Variants in DUSP16 observed in about 807,000 individuals in gnomAD.
DUSP16 encodes dual specificity protein phosphatase 16.
DUSP16 carries 21 observed loss-of-function variants against 58.3 expected under a neutral mutation model. The ratio of observed to expected loss-of-function variants is 0.36; its 90% CI spans 0.26 to 0.52. DUSP16 has a LOEUF of 0.52. Among genes scored for constraint, DUSP16 ranks in the 20% least tolerant of loss-of-function variants. The pLI, the probability that DUSP16 is intolerant of heterozygous loss-of-function variation, is 0.94. For synonymous variants in DUSP16, 320 were observed against 323.8 expected (o/e 0.99, Z 0.12); for missense variants, 726 against 819.0 (o/e 0.89, Z 1.39).
At chr12:12,520,337 C>T (rs947172986) in intron 2 of DUSP16, among the ~76,000 whole-genome samples, 2 of 152,086 alleles carry the variant, frequency 1.3e-5, no homozygotes, top group Non-Finnish European at 2.9e-5. Flanking sequence ...ACTTTTACAC[C>T]TTAACAAAGA....
At chr12:12,549,825 G>A (rs1358828210) in intron 1 of DUSP16, among the ~76,000 whole-genome samples, 2 of 150,868 alleles carry the variant, frequency 1.3e-5, no homozygotes, top group Admixed American at 6.6e-5. Flanking sequence ...ATGTTATAAA[G>A]TGCTCTCACT....
intron 1 of DUSP16, among the ~76,000 whole-genome samples, chr12:12,543,712 G>A (rs1944598635): frequency 6.6e-6 from 1 of 151,918 alleles, no homozygotes; most frequent in Non-Finnish European, 1.5e-5. Flanking sequence ...ATGACTTCCA[G>A]AAATATATTC....
intron 4 of DUSP16, among the ~76,000 whole-genome samples, chr12:12,500,093 A>T (rs1040701095): frequency 2.6e-5 from 4 of 152,094 alleles, no homozygotes. Flanking sequence ...GCCAGCAGTC[A>T]TCATGAGGAC....
intron 5 of DUSP16, among the ~76,000 whole-genome samples, chr12:12,486,481 AGTGTGTGTGTGTGTGTGT>A (rs56941943): frequency 3.2e-4 from 47 of 147,374 alleles, no homozygotes; most frequent in African/African-American, 1.0e-3. Flanking sequence ...ACCAAATGAG[AGTGTGTGTGTGTGTGTGT>A]GTGTGTGTGT....
intron 1 of DUSP16, among the ~76,000 whole-genome samples, chr12:12,553,430 T>G (rs1008587662): frequency 1.3e-5 from 2 of 152,232 alleles, no homozygotes; most frequent in Admixed American, 1.3e-4. Flanking sequence ...AATGGGTAAC[T>G]CATGTCTTCC....
intron 4 of DUSP16, among the ~76,000 whole-genome samples, chr12:12,496,958 C>T (rs1337376631): frequency 6.6e-6 from 1 of 152,156 alleles, no homozygotes; most frequent in Non-Finnish European, 1.5e-5. Context: ...AAAATTAATA[C>T]ATGCTGAGAC....
intron 1 of DUSP16, among the ~76,000 whole-genome samples, chr12:12,525,598 C>G (rs1458374098): frequency 6.6e-6 from 1 of 151,886 alleles, no homozygotes; most frequent in Non-Finnish European, 1.5e-5. Context: ...TCCAGCTGGG[C>G]ATAGTAGCTC....
At position 12,500,536 on chromosome 12, in the gene DUSP16, G is replaced by T; in HGVS notation, c.514C>A (p.Arg172=). 1 of 1,609,308 alleles carries T rather than the reference G, an allele frequency of 6.2e-7. No homozygotes were observed. The highest frequency in any genetic ancestry group is 8.5e-7 in the Non-Finnish European group (1 of 1,178,256). ...ILPNLYLGCQ[R]DVLNKELMQQ... ...GCACCCACCTTGTTGAGGACATCTC[G>T]CTGGCAGCCAAGATAAAGATTGGGA... The change falls in exon 4 of 7, where the codon CGA becomes AGA. Residue 172 remains arginine (R), a synonymous_variant. Transcript: ENST00000298573.
rs2058820 is a variant in DUSP16, at chr12:12,473,884, T to A, written c.*2949A>T. On this transcript the variant is annotated 3_prime_UTR_variant, in exon 7 of 7. Coordinates refer to ENST00000298573, the MANE Select transcript of DUSP16 (RefSeq NM_030640.3). ...ACATGTTATATCGAAATGGGCCATG[T>A]GTGTGTAGCTGGCCTTTTTTTTCCT... 1 allele frequency among the ~76,000 whole-genome samples: 152,374 copies of A among 152,392 alleles called. 76,178 individuals carry two copies. The highest frequency in any genetic ancestry group is 1 in the Non-Finnish European group (68,046 of 68,046).
chr12:12,544,604 AC>A (rs1167508986), intron 1 of DUSP16, among the ~76,000 whole-genome samples: 1 of 151,670 alleles, frequency 6.6e-6, no homozygotes, highest in African/African-American at 2.4e-5. Context: ...GTTGCTCTAC[AC>A]CCATGCTGAT....
intron 1 of DUSP16, among the ~76,000 whole-genome samples, chr12:12,555,224 AG>A (rs1224792741): frequency 6.6e-6 from 1 of 152,236 alleles, no homozygotes; most frequent in Non-Finnish European, 1.5e-5. Flanking sequence ...GGTCAGCCAC[AG>A]GGTCAAAGCT....
chr12:12,519,140 G>C (rs1328677549), intron 3 of DUSP16, among the ~76,000 whole-genome samples: 2 of 152,156 alleles, frequency 1.3e-5, no homozygotes, highest in Admixed American at 1.3e-4. Context: ...TTTGCAAAAC[G>C]AGAAGCAAAG....
intron 1 of DUSP16, among the ~76,000 whole-genome samples, chr12:12,548,630 C>CAAAAAAA (rs898316799): frequency 1.6e-5 from 1 of 63,312 alleles, no homozygotes; most frequent in African/African-American, 6.3e-5. Flanking sequence ...GACTCTGTCT[C>CAAAAAAA]AAAAAAAAAA....
intron 1 of DUSP16, among the ~76,000 whole-genome samples, chr12:12,540,585 TC>T (rs1167427568): frequency 6.6e-6 from 1 of 152,208 alleles, no homozygotes; most frequent in Non-Finnish European, 1.5e-5. Context: ...TCATAAGATA[TC>T]TATAAGGCTC....
chr12:12,517,041 C>G lies in DUSP16; in HGVS notation c.367+2821G>C, dbSNP rs111365151. Among the ~76,000 whole-genome samples the G allele has an allele frequency of 1.4e-3, 213 of 152,328 alleles. 1 individual carries two copies. The highest frequency in any genetic ancestry group is 4.5e-3 in the African/African-American group (187 of 41,582). On this transcript the variant is annotated intron_variant, in intron 3 of 6. Coordinates refer to ENST00000298573, the MANE Select transcript of DUSP16 (RefSeq NM_030640.3). Reference sequence around the variant, plus strand: ...TCTCCTCTTGTTTGAAGGAAAAGAGCTCGTTAAGATACTGCTATCAATTTC... The same window carrying G: ...TCTCCTCTTGTTTGAAGGAAAAGAGGTCGTTAAGATACTGCTATCAATTTC...
At chr12:12,533,091 G>T (rs745697324) in intron 1 of DUSP16, among the ~76,000 whole-genome samples, 1 of 152,114 alleles carries the variant, frequency 6.6e-6, no homozygotes, top group Non-Finnish European at 1.5e-5. Flanking sequence ...TGAGAAAAAT[G>T]AAATTTTAAA....
chr12:12,531,377 G>C (rs897547401), intron 1 of DUSP16, among the ~76,000 whole-genome samples: 1 of 152,158 alleles, frequency 6.6e-6, no homozygotes, highest in African/African-American at 2.4e-5. Flanking sequence ...TTCTCCTGAA[G>C]ATAATTTCAA....
intron 1 of DUSP16, among the ~76,000 whole-genome samples, chr12:12,534,002 C>A (rs932229825): frequency 6.6e-6 from 1 of 152,096 alleles, no homozygotes; most frequent in Non-Finnish European, 1.5e-5. Context: ...GAGTTTATAC[C>A]CTACAACACA....
At chr12:12,535,155 G>A (rs1944446962) in intron 1 of DUSP16, among the ~76,000 whole-genome samples, 1 of 152,252 alleles carries the variant, frequency 6.6e-6, no homozygotes, top group African/African-American at 2.4e-5. Context: ...ACCTGTGCCA[G>A]TGCTCAGCCG....
Sources: allele counts gnomAD v4.1 joint callset (sites outside exome capture counted in the v4.1 genomes callset), GRCh38; gene constraint gnomAD v4.1.1; transcripts MANE v1.5; gene names NCBI Gene and HGNC (gene_info 2026-07-23, HGNC 2026-07-21).